Variants in ANKRD36C observed in about 807,000 individuals in gnomAD.
The protein encoded by ANKRD36C is ankyrin repeat domain 36C.
A neutral mutation model predicts 276.4 loss-of-function variants in ANKRD36C; 61 were observed. The observed-to-expected ratio is 0.22, with a 90% CI of 0.18 to 0.27. ANKRD36C has a LOEUF of 0.27. Among genes scored for constraint, ANKRD36C ranks in the 10% least tolerant of loss-of-function variants. ANKRD36C has a pLI of 1.00. For missense variants in ANKRD36C, 1,447 were observed against 2,032.3 expected, an observed-to-expected ratio of 0.71 and a Z score of 5.54; for synonymous variants, 483 against 680.1, an observed-to-expected ratio of 0.71 and a Z score of 4.51.
At chr2:95,938,398 AT>A (rs1292922550) in intron 22 of ANKRD36C, among the ~76,000 whole-genome samples, 1 of 152,280 alleles carries the variant, frequency 6.6e-6, no homozygotes, top group Non-Finnish European at 1.5e-5. Flanking sequence ...TAATCAGAAG[AT>A]GTGATTAAGA....
intron 58 of ANKRD36C, among the ~76,000 whole-genome samples, chr2:95,877,298 T>A (rs1340133160): frequency 6.7e-6 from 1 of 149,882 alleles, no homozygotes; most frequent in African/African-American, 2.4e-5. Context: ...ATTTCTTTCA[T>A]AATTTAAGAC....
intron 30 of ANKRD36C, among the ~76,000 whole-genome samples, chr2:95,924,880 C>T (rs924337876): frequency 2.0e-5 from 3 of 151,574 alleles, no homozygotes; most frequent in South Asian, 2.1e-4. Context: ...CTCTTTCTTG[C>T]CTTGCAATCC....
intron 50 of ANKRD36C, among the ~76,000 whole-genome samples, chr2:95,887,172 T>C (rs1573740608): frequency 6.6e-6 from 1 of 151,874 alleles, no homozygotes. Context: ...ACCTCTTTGA[T>C]CAATGAAGCC....
intron 10 of ANKRD36C, among the ~76,000 whole-genome samples, chr2:95,959,000 T>C (rs1678394487): frequency 6.6e-6 from 1 of 152,290 alleles, no homozygotes; most frequent in Non-Finnish European, 1.5e-5. Context: ...CAATTTCATA[T>C]GTGATATTAT....
intron 6 of ANKRD36C, among the ~76,000 whole-genome samples, chr2:95,962,993 TAACTG>T (rs1234117777): frequency 6.6e-6 from 1 of 152,088 alleles, no homozygotes; most frequent in African/African-American, 2.4e-5. Context: ...ACTTGCCTGA[TAACTG>T]AGAAGGTACA....
chr2:95,971,394 T>A (rs1040721689), intron 6 of ANKRD36C, among the ~76,000 whole-genome samples: 2 of 146,388 alleles, frequency 1.4e-5, no homozygotes, highest in Admixed American at 1.4e-4. Flanking sequence ...GAGATATTGA[T>A]AATGGGGGGA....
chr2:95,917,361 T>C (rs1677131082), intron 36 of ANKRD36C, among the ~76,000 whole-genome samples: 1 of 151,576 alleles, frequency 6.6e-6, no homozygotes, highest in Admixed American at 6.6e-5. Context: ...TAACTTCTTT[T>C]CCCTCCTTCC....
chr2:95,962,607 A>G, intron 6 of ANKRD36C, 60 bp from the exon 7 acceptor site: 1 of 1,579,636 alleles, frequency 6.3e-7, no homozygotes, highest in East Asian at 2.3e-5. Flanking sequence ...TTATCCATAC[A>G]TTCATGCACT....
chr2:95,931,849 T>TAAACACACACACACACACTC (rs906940562), intron 24 of ANKRD36C, among the ~76,000 whole-genome samples: 1 of 111,612 alleles, frequency 9.0e-6, no homozygotes, highest in Non-Finnish European at 2.1e-5. Flanking sequence ...TACACACACA[T>TAAACACACACACACACACTC]ACACACACAC....
intron 17 of ANKRD36C, among the ~76,000 whole-genome samples, chr2:95,947,597 T>G (rs975061318): frequency 9.9e-5 from 15 of 152,024 alleles, no homozygotes; most frequent in African/African-American, 3.4e-4. Context: ...AGACCCTGAG[T>G]GGATTATTTT....
At chr2:95,925,667 T>G in intron 28 of ANKRD36C, 120 bp from the exon 29 acceptor site, 1 of 1,131,686 alleles carries the variant, frequency 8.8e-7, no homozygotes, top group Non-Finnish European at 1.2e-6. Flanking sequence ...GGATTTGATG[T>G]TTTACAGTTT....
At chr2:95,851,670 A>C (rs1469528772) in intron 66 of ANKRD36C, 24 bp downstream of exon 86, 13 of 1,453,744 alleles carry the variant, frequency 8.9e-6, no homozygotes, top group Non-Finnish European at 1.2e-5. Context: ...TTTCAGTATG[A>C]CAGAAATTAA....
At position 95,916,872 on chromosome 2, in the gene ANKRD36C, T is replaced by C. The variant is rs544285088; in HGVS notation, c.2348-701A>G. Among the ~76,000 whole-genome samples the C allele has an allele frequency of 1.1e-4, 16 of 151,814 alleles. 2 individuals are homozygous for C. In the South Asian group the frequency reaches 3.3e-3, roughly 31 times the overall value. ...TTAGACTCGATAAAAATATCATCAA[T>C]TATCAATTTTGACATACGTATACAA... is the stretch of plus-strand genomic sequence containing the variant. On this transcript the variant is annotated intron_variant, in intron 36 of 66. Transcript: ENST00000456556.
chr2:95,907,334 G>A (rs1468702188), intron 42 of ANKRD36C: 1 of 68,414 alleles, frequency 1.5e-5, no homozygotes, highest in African/African-American at 5.9e-5. Context: ...TTCAGTGGAA[G>A]TGTCCTGAAT....
chr2:95,873,328 T>C lies in ANKRD36C; in HGVS notation c.3540+3111A>G, dbSNP rs1675859935. ...AAAAAGCTTATCCACCATGATCAAG[T>C]GGGCTTCATCCCTGGGATGCAAGGC... On this transcript the variant is annotated intron_variant, in intron 59 of 66. Coordinates refer to ENST00000456556, the Ensembl canonical transcript of ANKRD36C. Among the ~76,000 whole-genome samples the C allele has an allele frequency of 3.9e-5, 6 of 152,342 alleles. 1 individual carries two copies. The South Asian group carries it at 1.2e-3, about 32-fold the overall frequency.
At chr2:95,896,877 G>T (rs905340978) in intron 44 of ANKRD36C, among the ~76,000 whole-genome samples, 11 of 149,144 alleles carry the variant, frequency 7.4e-5, no homozygotes, top group African/African-American at 2.2e-4. Context: ...CAGTGTCTAC[G>T]GGTTGTTACA....
intron 40 of ANKRD36C, among the ~76,000 whole-genome samples, chr2:95,912,812 T>C (rs953494870): frequency 1.3e-5 from 2 of 151,446 alleles, no homozygotes; most frequent in Non-Finnish European, 3.0e-5. Flanking sequence ...ATGTCTTTCA[T>C]GCAACAAATC....
chr2:95,926,710 A>C (rs1209261460), intron 28 of ANKRD36C, among the ~76,000 whole-genome samples: 2 of 151,538 alleles, frequency 1.3e-5, no homozygotes, highest in Non-Finnish European at 3.0e-5. Flanking sequence ...CCTCAGAAGA[A>C]ACCCCAAAAT....
At chr2:95,914,885 C>A (rs989678300) in intron 38 of ANKRD36C, among the ~76,000 whole-genome samples, 2 of 151,504 alleles carry the variant, frequency 1.3e-5, no homozygotes, top group Admixed American at 1.3e-4. Flanking sequence ...ATCTCTCACA[C>A]CCATGTGGTG....
Sources: gnomAD v4.1 joint callset for allele counts (sites outside exome capture counted in the v4.1 genomes callset) on GRCh38, gnomAD v4.1.1 for gene constraint, MANE v1.5 for transcripts, NCBI Gene and HGNC (gene_info 2026-07-23, HGNC 2026-07-21) for gene names.